RGS6: variants seen among roughly 807,000 people sequenced by gnomAD.
The protein encoded by RGS6 is regulator of G protein signaling 6.
A neutral mutation model predicts 78.5 loss-of-function variants in RGS6; 30 were observed. The observed-to-expected ratio is 0.38, with a 90% CI of 0.29 to 0.52. The LOEUF is 0.52. RGS6 is among the 20% of genes least tolerant of loss of function. The probability of loss-of-function intolerance (pLI) is 0.85; values close to 1 mark genes in which losing one functional copy is unlikely to be tolerated. For synonymous variants in RGS6, 206 were observed against 206.0 expected, an observed-to-expected ratio of 1.00 and a Z score of 0.00; for missense variants, 495 against 609.7, an observed-to-expected ratio of 0.81 and a Z score of 1.98.
chr14:72,384,587 G>T (rs974032142), intron 3 of RGS6, among the ~76,000 whole-genome samples: 1 of 152,092 alleles, frequency 6.6e-6, no homozygotes. Context: ...TGTTAAAAAT[G>T]ATGTGTTCTG....
chr14:72,097,313 C>T (rs1230061268), intron 2 of RGS6, among the ~76,000 whole-genome samples: 1 of 152,180 alleles, frequency 6.6e-6, no homozygotes, highest in African/African-American at 2.4e-5. Context: ...AGAGAATGCT[C>T]CATTCCAAAA....
At chr14:71,956,330 AGT>A (rs113351320) in intron 1 of RGS6, among the ~76,000 whole-genome samples, 9,072 of 74,400 alleles carry the variant, frequency 0.12, 313 homozygotes, top group Admixed American at 0.23. Context: ...CAGAACTAAT[AGT>A]GTGTGTGTGT....
At chr14:72,547,004 C>A (rs2097416252) in intron 17 of RGS6, among the ~76,000 whole-genome samples, 1 of 152,190 alleles carries the variant, frequency 6.6e-6, no homozygotes, top group South Asian at 2.1e-4. Flanking sequence ...GCAGTCAGAC[C>A]CCAGTGCCAT....
At chr14:72,415,946 A>G (rs545033384) in intron 3 of RGS6, among the ~76,000 whole-genome samples, 46 of 152,206 alleles carry the variant, frequency 3.0e-4, no homozygotes, top group South Asian at 1.0e-3. Context: ...TCAGGAGTTC[A>G]AGACCAGCCT....
chr14:72,231,180 C>T (rs1229581957), intron 2 of RGS6, among the ~76,000 whole-genome samples: 1 of 151,996 alleles, frequency 6.6e-6, no homozygotes, highest in Non-Finnish European at 1.5e-5. Flanking sequence ...AGTTAGTTCC[C>T]CAAGCGTAAA....
intron 3 of RGS6, among the ~76,000 whole-genome samples, chr14:72,366,618 C>A (rs182730955): frequency 6.6e-6 from 1 of 152,250 alleles, no homozygotes; most frequent in African/African-American, 2.4e-5. Context: ...GAGCAAGGTG[C>A]CCACAGAAAG....
chr14:72,541,670 T>G (rs1418539799), intron 17 of RGS6: 1 of 1,520,454 alleles, frequency 6.6e-7, no homozygotes, highest in South Asian at 1.2e-5. Flanking sequence ...GACTGGCTAC[T>G]GTGCGGGTGG....
At chr14:72,335,467 G>C (rs2075857177) in intron 2 of RGS6, among the ~76,000 whole-genome samples, 1 of 152,158 alleles carries the variant, frequency 6.6e-6, no homozygotes, top group Non-Finnish European at 1.5e-5. Context: ...TGCATTTTAA[G>C]ATGGAAAAGT....
chr14:72,616,816 C>G, the RGS6 span, among the ~76,000 whole-genome samples: 4 of 152,206 alleles, frequency 2.6e-5, no homozygotes, highest in Admixed American at 2.6e-4. Context: ...CAACCCCGTC[C>G]TCTTTTGAAC....
intron 2 of RGS6, among the ~76,000 whole-genome samples, chr14:72,249,292 G>C (rs573708810): frequency 2.0e-5 from 3 of 152,330 alleles, no homozygotes; most frequent in Non-Finnish European, 2.9e-5. Flanking sequence ...ACCAAGGTTT[G>C]TTATGCAGAT....
At chr14:72,201,397 C>G (rs1490989616) in intron 2 of RGS6, among the ~76,000 whole-genome samples, 3 of 152,058 alleles carry the variant, frequency 2.0e-5, no homozygotes, top group Non-Finnish European at 4.4e-5. Context: ...ATAAGAATGA[C>G]AACTCATGAA....
the RGS6 span, among the ~76,000 whole-genome samples, chr14:71,881,654 A>G: frequency 6.6e-6 from 1 of 152,178 alleles, no homozygotes; most frequent in Admixed American, 6.5e-5. Flanking sequence ...CTCCCTAGCC[A>G]TGTGGAATTG....
intron 2 of RGS6, among the ~76,000 whole-genome samples, chr14:72,224,301 T>G (rs544768198): frequency 3.3e-5 from 5 of 152,058 alleles, no homozygotes; most frequent in African/African-American, 1.2e-4. Flanking sequence ...GCACCCAGTC[T>G]CAGCTACTCA....
intron 1 of RGS6, among the ~76,000 whole-genome samples, chr14:71,946,586 A>G (rs187902711): frequency 6.6e-6 from 1 of 152,320 alleles, no homozygotes; most frequent in East Asian, 1.9e-4. Context: ...AGCAAGGCCT[A>G]TATATGGAAA....
At position 72,025,905 on chromosome 14, in the gene RGS6, A is replaced by G. The variant is rs75688063; in HGVS notation, c.84+61030A>G. On this transcript the variant is annotated intron_variant, in intron 2 of 17. Transcript: ENST00000553525. ...CTTACCACTATATTATGCTGTAAGA[A>G]TAAAGGGACAAACCTCAAAATAAAA... Among the ~76,000 whole-genome samples, 26 of 152,338 alleles carry G rather than the reference A, an allele frequency of 1.7e-4. 1 individual carries two copies. The East Asian group carries it at 5.0e-3, about 29-fold the overall frequency.
chr14:72,230,232 G>T lies in RGS6; in HGVS notation c.85-121863G>T, dbSNP rs143583637. ...TCTCCTGTGGTGAGGAGAGAGGAAT[G>T]TCACATGGCACCTATGGTTGTCTCT... is the stretch of plus-strand genomic sequence containing the variant. On this transcript the variant is annotated intron_variant, in intron 2 of 17. Transcript: ENST00000553525. Among the ~76,000 whole-genome samples the T allele has an allele frequency of 1.1e-3, 173 of 152,336 alleles. 1 individual carries two copies. The highest frequency in any genetic ancestry group is 2.2e-3 in the Non-Finnish European group (148 of 68,026).
the RGS6 span, among the ~76,000 whole-genome samples, chr14:71,877,937 G>T: frequency 6.6e-6 from 1 of 152,202 alleles, no homozygotes; most frequent in African/African-American, 2.4e-5. Context: ...GTTGGAGTTT[G>T]CTGGAGGTCC....
intron 2 of RGS6, among the ~76,000 whole-genome samples, chr14:72,295,119 G>A (rs969560586): frequency 1.2e-3 from 185 of 151,590 alleles, no homozygotes; most frequent in African/African-American, 3.9e-3. Context: ...GTGAAACCCC[G>A]TCTCTACTAA....
chr14:71,978,016 T>C (rs2153103949), intron 2 of RGS6, among the ~76,000 whole-genome samples: 1 of 151,780 alleles, frequency 6.6e-6, no homozygotes, highest in Non-Finnish European at 1.5e-5. Context: ...TTTTATTCTC[T>C]TTGAAGCAAT....
Sources: allele counts gnomAD v4.1 joint callset (sites outside exome capture counted in the v4.1 genomes callset), GRCh38; gene constraint gnomAD v4.1.1; transcripts MANE v1.5; gene names NCBI Gene and HGNC (gene_info 2026-07-23, HGNC 2026-07-21).